Variants in MTSS1 observed in about 807,000 individuals in gnomAD.
MTSS1 encodes MTSS I-BAR domain containing 1.
A neutral mutation model predicts 79.0 loss-of-function variants in MTSS1; 18 were observed. The observed-to-expected ratio is 0.23, with a 90% CI of 0.16 to 0.34. MTSS1 has a LOEUF of 0.34. Among genes scored for constraint, MTSS1 ranks in the 10% least tolerant of loss-of-function variants. The pLI is 1.00. For missense variants in MTSS1, 815 were observed against 986.2 expected (o/e 0.83, Z 2.33); for synonymous variants, 341 against 368.6 (o/e 0.93, Z 0.86).
intron 6 of MTSS1, among the ~76,000 whole-genome samples, chr8:124,581,287 CAAAAAAAAAAAA>C (rs10616707): frequency 9.9e-6 from 1 of 100,924 alleles, no homozygotes; most frequent in Non-Finnish European, 2.1e-5. Flanking sequence ...GATGCTGACT[CAAAAAAAAAAAA>C]AAAAAAAATC....
chr8:124,568,978 A>C (rs1432503978), intron 6 of MTSS1: 2 of 562,806 alleles, frequency 3.6e-6, no homozygotes, highest in Non-Finnish European at 5.1e-6. Flanking sequence ...AATCTCAATC[A>C]AAGAGCCTCT....
intron 3 of MTSS1, among the ~76,000 whole-genome samples, chr8:124,613,452 T>C (rs1040881545): frequency 6.6e-6 from 1 of 152,258 alleles, no homozygotes; most frequent in Non-Finnish European, 1.5e-5. Context: ...CACAGCTTCA[T>C]GCAACAAAAG....
rs186197946 is a variant in MTSS1 at position 124,714,700 on chromosome 8, T to C, written c.73-10509A>G. ...CTGGCCTTGAACTCCTGACCTCAAG[T>C]GATCCACCTACCTCAGCCTCCTAAA... is the stretch of plus-strand genomic sequence containing the variant. On this transcript the variant is annotated intron_variant, in intron 1 of 13. Transcript: ENST00000518547. 3.2e-3 allele frequency among the ~76,000 whole-genome samples: 490 copies of C among 152,238 alleles called. 1 individual carries two copies. The highest frequency in any genetic ancestry group is 5.8e-3 in the South Asian group (28 of 4,818).
At chr8:124,565,441 A>G (rs1043466869) in intron 9 of MTSS1, among the ~76,000 whole-genome samples, 2 of 152,246 alleles carry the variant, frequency 1.3e-5, no homozygotes, top group South Asian at 4.1e-4. Flanking sequence ...AGAATAAGCT[A>G]CATCCACAAG....
At chr8:124,622,491 A>G in intron 3 of MTSS1, among the ~76,000 whole-genome samples, 1 of 151,708 alleles carries the variant, frequency 6.6e-6, no homozygotes, top group African/African-American at 2.4e-5. Context: ...TATTGAAAAA[A>G]AAAAAAAAAA....
chr8:124,627,340 A>C (rs1310775626), intron 3 of MTSS1, among the ~76,000 whole-genome samples: 1 of 152,256 alleles, frequency 6.6e-6, no homozygotes, highest in African/African-American at 2.4e-5. Context: ...ACACTGACTG[A>C]GTGCCACTTC....
rs111582075 is a variant in MTSS1 at position 124,675,864 on chromosome 8, C to T, written c.208+23662G>A. On this transcript the variant is annotated intron_variant, in intron 3 of 13. Transcript: ENST00000518547. ...GAATAATATTCCATTATGTACATAC[C>T]GCAATTTGTTTATCCATTCATCCAG... Among the ~76,000 whole-genome samples, 7 of 152,312 alleles carry T rather than the reference C, an allele frequency of 4.6e-5. 1 individual carries two copies. The highest frequency in any genetic ancestry group is 1.2e-4 in the African/African-American group (5 of 41,560).
chr8:124,629,679 T>C (rs905045265), intron 3 of MTSS1, among the ~76,000 whole-genome samples: 5 of 151,992 alleles, frequency 3.3e-5, no homozygotes, highest in Non-Finnish European at 4.4e-5. Context: ...CCTCCAACGT[T>C]AAGTGGCCTC....
In MTSS1 at chr8:124,557,853, T is replaced by C; in HGVS notation, c.1058A>G (p.Tyr353Cys). ...PNQLSNGFSH[Y>C]SLSSESHVGP... ...CACGTGGGACTCACTTGATAAACTA[T>C]AGTGAGAAAACCCGTTAGACAACTG... The change falls in exon 11 of 14, where the codon TAT (tyrosine) becomes TGT (cysteine). Residue 353 changes from tyrosine (Y) to cysteine (C), a missense_variant. Physicochemically the swap from Tyr to Cys is radical, Grantham distance 194. Around this residue, in one of 2 missense-constraint regions of MTSS1, gnomAD observed 590 missense variants for 620.8 expected, o/e 0.95. Coordinates refer to ENST00000518547, the MANE Select transcript of MTSS1 (RefSeq NM_014751.6). The C allele has an allele frequency of 2.5e-6, 4 of 1,574,528 alleles. No individual in the cohort carries two copies. The South Asian group carries it at 3.4e-5, about 13-fold the overall frequency.
intron 7 of MTSS1, chr8:124,567,741 GGC>G: frequency 6.6e-7 from 1 of 1,526,036 alleles, no homozygotes; most frequent in Non-Finnish European, 8.8e-7. Flanking sequence ...CCACGGGCCG[GGC>G]TAGAACGATC....
chr8:124,696,315 G>T (rs935456950), intron 3 of MTSS1, among the ~76,000 whole-genome samples: 1 of 152,048 alleles, frequency 6.6e-6, no homozygotes, highest in Admixed American at 6.6e-5. Flanking sequence ...AAACTAAAGA[G>T]CATGTCCTAT....
chr8:124,658,768 C>G (rs917304275), intron 3 of MTSS1, among the ~76,000 whole-genome samples: 6 of 152,122 alleles, frequency 3.9e-5, no homozygotes, highest in Non-Finnish European at 5.9e-5. Flanking sequence ...AGGGGGAAAT[C>G]CACCCCCACA....
intron 8 of MTSS1, among the ~76,000 whole-genome samples, chr8:124,566,592 CCATG>C (rs2132050708): frequency 6.6e-6 from 1 of 152,276 alleles, no homozygotes; most frequent in African/African-American, 2.4e-5. Context: ...AGAGAGCTCT[CCATG>C]CATTGCTCAA....
intron 6 of MTSS1, among the ~76,000 whole-genome samples, chr8:124,569,778 G>A (rs928623449): frequency 6.6e-6 from 1 of 152,180 alleles, no homozygotes; most frequent in East Asian, 1.9e-4. Context: ...ATCCAATTGG[G>A]CCAATCTGCT....
At chr8:124,562,039 G>A (rs926672893) in intron 10 of MTSS1, among the ~76,000 whole-genome samples, 6 of 152,170 alleles carry the variant, frequency 3.9e-5, no homozygotes, top group Admixed American at 3.3e-4. Context: ...CCAGCATTCT[G>A]TATGTAGAGC....
chr8:124,643,109 A>G (rs1818359197), intron 3 of MTSS1, among the ~76,000 whole-genome samples: 1 of 152,208 alleles, frequency 6.6e-6, no homozygotes, highest in Non-Finnish European at 1.5e-5. Flanking sequence ...GGCAGAGAGA[A>G]AAAAATTGGT....
chr8:124,701,494 A>G (rs1829691116), intron 2 of MTSS1, among the ~76,000 whole-genome samples: 1 of 152,256 alleles, frequency 6.6e-6, no homozygotes, highest in Non-Finnish European at 1.5e-5. Flanking sequence ...TATTTTTTAA[A>G]GAGTTGACAT....
At chr8:124,560,017 A>G (rs1824942462) in intron 10 of MTSS1, among the ~76,000 whole-genome samples, 3 of 152,210 alleles carry the variant, frequency 2.0e-5, no homozygotes, top group Admixed American at 6.5e-5. Flanking sequence ...AAGGGCAAGG[A>G]GACAATCAGA....
intron 10 of MTSS1, among the ~76,000 whole-genome samples, chr8:124,561,190 G>T (rs1483586872): frequency 6.6e-6 from 1 of 152,206 alleles, no homozygotes; most frequent in Non-Finnish European, 1.5e-5. Context: ...CCAGAATTTT[G>T]GGAGACCGAG....
Sources: gnomAD v4.1 joint callset for allele counts (sites outside exome capture counted in the v4.1 genomes callset) on GRCh38, gnomAD v4.1.1 for gene constraint, gnomAD v4.1.1 regional missense constraint, MANE v1.5 for transcripts, NCBI Gene and HGNC (gene_info 2026-07-23, HGNC 2026-07-21) for gene names.